Variants in ZFPL1 observed in about 807,000 individuals in gnomAD.
ZFPL1 encodes the protein zinc finger protein like 1, also known as zinc finger protein-like 1.
A neutral mutation model predicts 32.0 loss-of-function variants in ZFPL1; 28 were observed. That is an observed-to-expected ratio of 0.87 (90% CI 0.65 to 1.20). The LOEUF (loss-of-function observed/expected upper bound fraction) is 1.20. ZFPL1 is among the 50% of genes most tolerant of loss of function. ZFPL1 has a pLI of 0.00. For synonymous variants in ZFPL1, 165 were observed against 177.0 expected, an observed-to-expected ratio of 0.93 and a Z score of 0.54; for missense variants, 386 against 424.8, an observed-to-expected ratio of 0.91 and a Z score of 0.80.
Position 65,087,381 on chromosome 11 carries a change from G to A in ZFPL1, c.694G>A (p.Asp232Asn), listed in dbSNP as rs139876978. The A allele has an allele frequency of 2.0e-5, 33 of 1,614,148 alleles. No individual in the cohort carries two copies. Among genetic ancestry groups the A allele is most frequent in the South Asian group, 1.9e-4 (17 of 91,090 alleles). ...ACCAGGCCTCCATGGAGACTGTGAC[G>A]ATGACAAGTACCGACGTCGGCCGGC... ...RTPGLHGDCD[D>N]DKYRRRPALG... Residue 232 changes from aspartate to asparagine, a missense_variant, in exon 7 of 8, where the codon GAT becomes AAT. By Grantham distance (23) the Asp-to-Asn change is conservative (BLOSUM62 1). Coordinates refer to ENST00000294258, the MANE Select transcript of ZFPL1 (RefSeq NM_006782.4).
chr11:65,088,312 A>T lies in ZFPL1; in HGVS notation c.*198A>T. 1 of 1,122,086 alleles carries T rather than the reference A, an allele frequency of 8.9e-7. No individual in the cohort carries two copies. The highest frequency in any genetic ancestry group is 1.3e-6 in the Non-Finnish European group (1 of 778,764). 69.5% of individuals were successfully genotyped at this position (1,122,086 alleles called of 1,614,324 possible). A position where few individuals can be genotyped will look rare whatever the true frequency, so the allele number is the denominator to read the frequency against. On this transcript the variant is annotated 3_prime_UTR_variant, in exon 8 of 8. Coordinates refer to ENST00000294258, the MANE Select transcript of ZFPL1 (RefSeq NM_006782.4). ...CCCCGTGGGTCAAGCATTTGTCTTG[A>T]CTTGCTTTCCTCCCGGGTCTCCAGC... is the stretch of plus-strand genomic sequence containing the variant.
intron 3 of ZFPL1, chr11:65,085,449 T>C: frequency 1.8e-6 from 1 of 569,036 alleles, no homozygotes; most frequent in East Asian, 3.0e-5. Context: ...TAGTTCCTCT[T>C]TCCTAAAAAT....
chr11:65,087,270 G>A (rs746172845), intron 6 of ZFPL1, 46 bp from the exon 7 acceptor site: 33 of 1,604,172 alleles, frequency 2.1e-5, no homozygotes, highest in Admixed American at 1.8e-4. Flanking sequence ...TCCCCAAAGC[G>A]GCCAGTTTTC....
Position 65,084,249 on chromosome 11 carries a change from G to A in ZFPL1, c.-138G>A, listed in dbSNP as rs1947645260. On this transcript the variant is annotated 5_prime_UTR_variant, in exon 1 of 8. Coordinates refer to ENST00000294258, the MANE Select transcript of ZFPL1 (RefSeq NM_006782.4). ...AGACGTGGCAGCGGAGGGATAATCGGGGCGGCCGGGGCTGAAGGGAGAGGC... is the reference window on the plus strand; with the variant it reads ...AGACGTGGCAGCGGAGGGATAATCGAGGCGGCCGGGGCTGAAGGGAGAGGC... 1.7e-6 allele frequency: 1 copy of A among 573,736 alleles called. No homozygotes were observed. Among genetic ancestry groups the A allele is most frequent in the Admixed American group, 3.2e-5 (1 of 31,088 alleles). The allele number at this position is 573,736 out of a possible 1,614,324, so 35.5% of individuals were successfully genotyped here.
Position 65,088,312 on chromosome 11 carries a change from A to G in ZFPL1, c.*198A>G. On this transcript the variant is annotated 3_prime_UTR_variant, in exon 8 of 8. Coordinates refer to ENST00000294258, the MANE Select transcript of ZFPL1 (RefSeq NM_006782.4). ...CCCCGTGGGTCAAGCATTTGTCTTG[A>G]CTTGCTTTCCTCCCGGGTCTCCAGC... is the stretch of plus-strand genomic sequence containing the variant. 1 of 1,122,086 alleles carries G rather than the reference A, an allele frequency of 8.9e-7. No individual in the cohort carries two copies. Among genetic ancestry groups the G allele is most frequent in the Non-Finnish European group, 1.3e-6 (1 of 778,764 alleles). The allele number at this position is 1,122,086 out of a possible 1,614,324, so 69.5% of individuals were successfully genotyped here. A position where few individuals can be genotyped will look rare whatever the true frequency, so the allele number is the denominator to read the frequency against.
rs1947700638 is a variant in ZFPL1 at position 65,088,371 on chromosome 11, G to A, written c.*257G>A. The A allele has an allele frequency of 7.2e-7, 1 of 1,388,788 alleles. No individual in the cohort carries two copies. The highest frequency in any genetic ancestry group is 1.4e-5 in the African/African-American group (1 of 70,182). The allele number at this position is 1,388,788 out of a possible 1,614,324, so 86.0% of individuals were successfully genotyped here. On this transcript the variant is annotated 3_prime_UTR_variant, in exon 8 of 8. Coordinates refer to ENST00000294258, the MANE Select transcript of ZFPL1 (RefSeq NM_006782.4). ...CCTCGCCCCATGAAGGAGCTGGCAG[G>A]TGGAAATAAACAACAACTTTATTAA...
chr11:65,087,191 C>T, intron 6 of ZFPL1, 117 bp downstream of exon 6: 3 of 1,546,756 alleles, frequency 1.9e-6, no homozygotes, highest in Non-Finnish European at 2.7e-6. Flanking sequence ...AATCCAGGCA[C>T]AGCCATTACC....
chr11:65,087,125 G>T, intron 6 of ZFPL1, 51 bp downstream of exon 6: 1 of 1,589,690 alleles, frequency 6.3e-7, no homozygotes, highest in Non-Finnish European at 8.6e-7. Flanking sequence ...AGGGTGGAAT[G>T]GTTTGTATAG....
chr11:65,085,186 ACCCCTGG>A lies in ZFPL1; in HGVS notation c.177_183del (p.Leu60AlafsTer57), dbSNP rs763612646. ...ACCCCAATTGCCGCCTGTGCAACAT[ACCCCTGG>A]CCAGCCGAGAGACGACCCGCCTTGT... On this transcript the variant is annotated frameshift_variant, in exon 3 of 8. Coordinates refer to ENST00000294258, the MANE Select transcript of ZFPL1 (RefSeq NM_006782.4). LOFTEE classifies it high-confidence loss of function. 1 of 1,612,718 alleles carries A rather than the reference ACCCCTGG, an allele frequency of 6.2e-7. No homozygotes were observed. Among genetic ancestry groups the A allele is most frequent in the South Asian group, 1.1e-5 (1 of 91,016 alleles).
intron 5 of ZFPL1, 22 bp downstream of exon 5, chr11:65,086,814 CTGTT>C (rs752864609): frequency 5.6e-6 from 9 of 1,614,116 alleles, no homozygotes; most frequent in Middle Eastern, 1.6e-4. Flanking sequence ...CTTCCACCGA[CTGTT>C]TGGGCTTTAG....
At position 65,088,342 on chromosome 11, in the gene ZFPL1, G is replaced by A. The variant is rs748585899; in HGVS notation, c.*228G>A. ...CTTTCCTCCCGGGTCTCCAGCCTCC[G>A]ACCCCTCGCCCCATGAAGGAGCTGG... On this transcript the variant is annotated 3_prime_UTR_variant, in exon 8 of 8. Transcript: ENST00000294258. 4.1e-5 allele frequency: 51 copies of A among 1,245,028 alleles called. No individual in the cohort carries two copies. The highest frequency in any genetic ancestry group is 7.6e-5 in the East Asian group (3 of 39,598). 77.1% of individuals were successfully genotyped at this position (1,245,028 alleles called of 1,614,324 possible).
At chr11:65,087,852 G>T in intron 7 of ZFPL1, 76 bp from the exon 8 acceptor site, 1 of 1,435,336 alleles carries the variant, frequency 7.0e-7, no homozygotes, top group Non-Finnish European at 9.3e-7. Context: ...GGAATGGGTG[G>T]TGACCAGGGC....
chr11:65,087,253 CT>C, intron 6 of ZFPL1, 62 bp from the exon 7 acceptor site: 2 of 1,587,616 alleles, frequency 1.3e-6, no homozygotes, highest in Non-Finnish European at 1.7e-6. Flanking sequence ...GGTGATCCCC[CT>C]AGCCCTCCCC....
intron 1 of ZFPL1, 135 bp downstream of exon 1, chr11:65,084,513 G>A: frequency 1.6e-6 from 1 of 617,560 alleles, no homozygotes; most frequent in Non-Finnish European, 2.8e-6. Flanking sequence ...AGGGGTCGCC[G>A]GAGGCGGGAT....
At chr11:65,085,444 C>T (rs977612149) in intron 3 of ZFPL1, 15 of 578,160 alleles carry the variant, frequency 2.6e-5, no homozygotes, top group Admixed American at 9.0e-5. Context: ...GCTCCTAGTT[C>T]CTCTTTCCTA....
intron 7 of ZFPL1, 163 bp downstream of exon 7, chr11:65,087,596 CTG>C: frequency 1.5e-6 from 1 of 688,086 alleles, no homozygotes; most frequent in Non-Finnish European, 2.5e-6. Context: ...GCAGCAGAAG[CTG>C]TGTTTTGCTT....
intron 1 of ZFPL1, 25 bp downstream of exon 1, chr11:65,084,403 G>A: frequency 1.9e-6 from 1 of 537,864 alleles, no homozygotes; most frequent in East Asian, 3.3e-5. Context: ...GGCGGGACTT[G>A]GAGGGGGTGG....
At chr11:65,087,790 G>T (rs984803391) in intron 7 of ZFPL1, 138 bp from the exon 8 acceptor site, 9 of 878,918 alleles carry the variant, frequency 1.0e-5, no homozygotes, top group Non-Finnish European at 1.5e-5. Flanking sequence ...CCCTATGGTG[G>T]CAGGTGCAGG....
intron 1 of ZFPL1, 138 bp from the exon 2 acceptor site, chr11:65,084,553 A>G: frequency 2.8e-6 from 2 of 704,020 alleles, no homozygotes; most frequent in Non-Finnish European, 4.8e-6. Flanking sequence ...CCGCATAAGG[A>G]GGGACAGTGG....
Sources: allele counts gnomAD v4.1 joint callset, GRCh38; gene constraint gnomAD v4.1.1; transcripts MANE v1.5; gene names NCBI Gene and HGNC (gene_info 2026-07-23, HGNC 2026-07-21).